Variants in OCA2 observed in about 807,000 individuals in gnomAD.
The protein encoded by OCA2 is OCA2 melanosomal transmembrane protein, also known as P protein.
In OCA2, 77 loss-of-function variants were observed where a neutral mutation model predicts 100.2. That is an observed-to-expected ratio of 0.77 (90% CI 0.64 to 0.93). OCA2 has a LOEUF of 0.93. OCA2 is among the 40% of genes least tolerant of loss of function. The pLI is 0.00. For missense variants in OCA2, 1,062 were observed against 1,089.1 expected, an observed-to-expected ratio of 0.98 and a Z score of 0.35; for synonymous variants, 432 against 439.2, an observed-to-expected ratio of 0.98 and a Z score of 0.21.
intron 23 of OCA2, among the ~76,000 whole-genome samples, chr15:27,791,160 G>C (rs1189092035): frequency 2.0e-5 from 3 of 151,940 alleles, no homozygotes; most frequent in African/African-American, 7.3e-5. Context: ...CATGGAACTT[G>C]TTACCAGGCA....
chr15:27,976,925 A>G (rs180815950), intron 14 of OCA2, among the ~76,000 whole-genome samples: 5 of 99,740 alleles, frequency 5.0e-5, no homozygotes, highest in Admixed American at 4.2e-4. Context: ...TTTTAACTAC[A>G]TATTTGATTC....
Position 27,871,133 on chromosome 15 carries a change from ACATG to A in OCA2, c.2244+17_2244+20del, listed in dbSNP as rs947511711. ...TGTCCAGGCTAAAGTTGAGCCGTCG[ACATG>A]GACATGTGCAACTCACCATGGTAGC... On this transcript the variant is annotated intron_variant, in intron 21 of 23. Coordinates refer to ENST00000354638, the MANE Select transcript of OCA2 (RefSeq NM_000275.3). 1 of 1,586,220 alleles carries A rather than the reference ACATG, an allele frequency of 6.3e-7. No individual in the cohort carries two copies. The highest frequency in any genetic ancestry group is 8.7e-7 in the Non-Finnish European group (1 of 1,154,718).
intron 19 of OCA2, among the ~76,000 whole-genome samples, chr15:27,882,785 T>C (rs1415466522): frequency 6.6e-6 from 1 of 152,200 alleles, no homozygotes; most frequent in Non-Finnish European, 1.5e-5. Context: ...TTTCCTGTGA[T>C]CATATTGGCC....
chr15:27,956,306 G>T (rs1368959220), intron 16 of OCA2, among the ~76,000 whole-genome samples: 2 of 152,156 alleles, frequency 1.3e-5, no homozygotes, highest in East Asian at 3.9e-4. Flanking sequence ...CCGAGATCAT[G>T]CCACTGCACT....
At chr15:27,858,966 C>T (rs1381425479) in intron 21 of OCA2, among the ~76,000 whole-genome samples, 3 of 151,898 alleles carry the variant, frequency 2.0e-5, no homozygotes. Context: ...TCAGAAAACA[C>T]CTAAGACAAA....
chr15:27,902,158 C>T (rs1034489517), intron 19 of OCA2, among the ~76,000 whole-genome samples: 4 of 152,012 alleles, frequency 2.6e-5, no homozygotes, highest in African/African-American at 9.7e-5. Context: ...CCACTGATTC[C>T]TTCCAGGCAC....
At chr15:27,920,481 A>G (rs1307156881) in intron 19 of OCA2, among the ~76,000 whole-genome samples, 1 of 152,146 alleles carries the variant, frequency 6.6e-6, no homozygotes, top group Non-Finnish European at 1.5e-5. Flanking sequence ...AAAATTTCTA[A>G]TTTTTTACAA....
intron 6 of OCA2, among the ~76,000 whole-genome samples, chr15:28,021,345 C>T (rs777412247): frequency 2.0e-5 from 3 of 152,146 alleles, no homozygotes; most frequent in Non-Finnish European, 4.4e-5. Context: ...AAAGGCTGGG[C>T]GGACATCAGT....
intron 19 of OCA2, among the ~76,000 whole-genome samples, chr15:27,901,455 C>T (rs1469187959): frequency 6.6e-6 from 1 of 152,198 alleles, no homozygotes; most frequent in Non-Finnish European, 1.5e-5. Flanking sequence ...GATCACAGGC[C>T]ACTAGAGCTC....
chr15:27,961,897 T>G (rs1181594613), intron 15 of OCA2, among the ~76,000 whole-genome samples: 3 of 151,948 alleles, frequency 2.0e-5, no homozygotes, highest in Admixed American at 2.0e-4. Context: ...TGTATACCTA[T>G]GTAACAAACC....
chr15:27,848,814 A>G (rs2035630231), intron 22 of OCA2, among the ~76,000 whole-genome samples: 1 of 152,240 alleles, frequency 6.6e-6, no homozygotes, highest in Admixed American at 6.5e-5. Context: ...TTGAAGAGCC[A>G]CCAGTCCTTC....
chr15:27,743,619 C>T, the OCA2 span, among the ~76,000 whole-genome samples: 1 of 152,128 alleles, frequency 6.6e-6, no homozygotes. Context: ...CGGTGGGGCC[C>T]AGGGAGGCCA....
chr15:27,844,890 A>AT lies in OCA2; in HGVS notation c.2432+68dup, dbSNP rs550228335. 7.6e-5 allele frequency: 86 copies of AT among 1,138,698 alleles called. No individual in the cohort carries two copies. In the East Asian group the frequency reaches 1.8e-3, roughly 24 times the overall value. The allele number at this position is 1,138,698 out of a possible 1,614,324, so 70.5% of individuals were successfully genotyped here. ...TGCTTATTTTAGCATTTAATGTGTT[A>AT]TTTTTTTAATTAAGTAAGCTTAGGA... On this transcript the variant is annotated intron_variant, in intron 23 of 23. Transcript: ENST00000354638.
chr15:27,801,843 T>C (rs2033628925), intron 23 of OCA2, among the ~76,000 whole-genome samples: 1 of 152,196 alleles, frequency 6.6e-6, no homozygotes, highest in African/African-American at 2.4e-5. Context: ...CACAGTTACA[T>C]CATATTTAAT....
At chr15:28,032,354 C>T (rs2042929619) in intron 2 of OCA2, among the ~76,000 whole-genome samples, 191 bp from the exon 3 acceptor site, 2 of 152,166 alleles carry the variant, frequency 1.3e-5, no homozygotes, top group Admixed American at 1.3e-4. Flanking sequence ...ACCTCTTCTC[C>T]CCAACTCAAT....
chr15:27,761,614 C>T (rs2030847951), intron 23 of OCA2, among the ~76,000 whole-genome samples: 1 of 152,170 alleles, frequency 6.6e-6, no homozygotes, highest in Admixed American at 6.5e-5. Flanking sequence ...CATAGACAAG[C>T]TTATTCTAAA....
At chr15:27,746,139 G>A in the OCA2 span, among the ~76,000 whole-genome samples, 44 of 152,126 alleles carry the variant, frequency 2.9e-4, no homozygotes, top group South Asian at 6.2e-4. Flanking sequence ...ATTTTACAGC[G>A]TTTCACTCTT....
chr15:27,900,609 T>C (rs749322963), intron 19 of OCA2, among the ~76,000 whole-genome samples: 10 of 152,220 alleles, frequency 6.6e-5, no homozygotes, highest in South Asian at 2.1e-4. Flanking sequence ...CAGCATTTCA[T>C]TGGAAGCTGA....
At chr15:28,012,170 A>G (rs1055707540) in intron 9 of OCA2, among the ~76,000 whole-genome samples, 1 of 152,266 alleles carries the variant, frequency 6.6e-6, no homozygotes, top group Non-Finnish European at 1.5e-5. Flanking sequence ...GGTGGCAAAT[A>G]AATACATGAA....
Sources: gnomAD v4.1 joint callset for allele counts (sites outside exome capture counted in the v4.1 genomes callset) on GRCh38, gnomAD v4.1.1 for gene constraint, MANE v1.5 for transcripts, NCBI Gene and HGNC (gene_info 2026-07-23, HGNC 2026-07-21) for gene names.